Variants in MYO9B observed in about 807,000 individuals in gnomAD.
MYO9B encodes unconventional myosin-IXb.
In MYO9B, 71 loss-of-function variants were observed where a neutral mutation model predicts 229.5. That is an observed-to-expected ratio of 0.31 (90% confidence interval 0.26 to 0.38). The LOEUF (loss-of-function observed/expected upper bound fraction) is 0.38. Among genes scored for constraint, MYO9B ranks in the 10% least tolerant of loss-of-function variants. The pLI, the probability that MYO9B is intolerant of heterozygous loss-of-function variation, is 1.00. For synonymous variants in MYO9B, 1,185 were observed against 1,235.8 expected (o/e 0.96, Z 0.86); for missense variants, 2,255 against 2,920.5 (o/e 0.77, Z 5.25).
intron 14 of MYO9B, among the ~76,000 whole-genome samples, chr19:17,179,126 A>G (rs1034129134): frequency 1.3e-5 from 2 of 151,478 alleles, no homozygotes; most frequent in African/African-American, 4.9e-5. Flanking sequence ...TAGGGTGTTG[A>G]GCAGCATCCC....
At chr19:17,167,473 A>AT (rs36062777) in intron 10 of MYO9B, among the ~76,000 whole-genome samples, 2,558 of 117,364 alleles carry the variant, frequency 0.022, 94 homozygotes, top group African/African-American at 0.064. Context: ...TATTAGAGCT[A>AT]TTTTTTTTTT....
chr19:17,205,372 A>G, intron 31 of MYO9B, 36 bp downstream of exon 31: 1 of 1,588,312 alleles, frequency 6.3e-7, no homozygotes, highest in Non-Finnish European at 8.6e-7. Flanking sequence ...CTACAATGAC[A>G]CTCCACTCAC....
At chr19:17,141,105 G>GAA (rs34230599) in intron 2 of MYO9B, among the ~76,000 whole-genome samples, 149 of 138,078 alleles carry the variant, frequency 1.1e-3, no homozygotes, top group East Asian at 5.2e-3. Flanking sequence ...CCCTGTCTCA[G>GAA]AAAAAAAAAA....
In MYO9B at chr19:17,172,581, C is replaced by G. The variant is rs1382655324; in HGVS notation, c.1935+104C>G. The G allele has an allele frequency of 3.3e-6, 5 of 1,511,154 alleles. No individual in the cohort carries two copies. Among genetic ancestry groups the G allele is most frequent in the East Asian group, 2.4e-5 (1 of 41,966 alleles). 93.6% of individuals were successfully genotyped at this position (1,511,154 alleles called of 1,614,324 possible). A position where few individuals can be genotyped will look rare whatever the true frequency, so the allele number is the denominator to read the frequency against. ...CCTGTGGGCGAGGTTCCAGGGTGCTCAGAACCCACCGCGAATCCCCGGCTC... is the reference window on the plus strand; with the variant it reads ...CCTGTGGGCGAGGTTCCAGGGTGCTGAGAACCCACCGCGAATCCCCGGCTC... On this transcript the variant is annotated intron_variant, in intron 12 of 39. Coordinates refer to ENST00000682292, the MANE Select transcript of MYO9B (RefSeq NM_004145.4). This position sits in a 1 kb window ranked among gnomAD's most constrained non-coding sequence, Gnocchi z 8.2.
rs531236160 is a variant in MYO9B, at chr19:17,212,389, T to G, written c.*79T>G. 1 of 1,382,618 alleles carries G rather than the reference T, an allele frequency of 7.2e-7. No individual in the cohort carries two copies. The highest frequency in any genetic ancestry group is 1.6e-5 in the South Asian group (1 of 63,936). The allele number at this position is 1,382,618 out of a possible 1,614,324, so 85.6% of individuals were successfully genotyped here. On this transcript the variant is annotated 3_prime_UTR_variant, in exon 40 of 40. Transcript: ENST00000682292. The surrounding 1 kb of genome is among the most constrained non-coding windows in gnomAD (Gnocchi z 5.4). Reference sequence around the variant, plus strand: ...GGGCGCCAGAGCTGCAGAGCTAGTGTTCGGCCCTCAGAGAAGGATCCAGAA... The same window carrying G: ...GGGCGCCAGAGCTGCAGAGCTAGTGGTCGGCCCTCAGAGAAGGATCCAGAA...
At chr19:17,081,908 G>A (rs907605886) in intron 1 of MYO9B, among the ~76,000 whole-genome samples, 2 of 151,982 alleles carry the variant, frequency 1.3e-5, no homozygotes, top group African/African-American at 4.8e-5. Flanking sequence ...GGTCCACAAG[G>A]CTGCGTGTGC....
At chr19:17,162,607 G>A (rs1385209420) in intron 9 of MYO9B, 141 bp downstream of exon 9, 11 of 749,392 alleles carry the variant, frequency 1.5e-5, no homozygotes, top group Non-Finnish European at 2.2e-5. Flanking sequence ...GACAGGCCCA[G>A]GAAACAGGAC....
At chr19:17,151,301 A>T (rs1305257306) in intron 3 of MYO9B, among the ~76,000 whole-genome samples, 1 of 151,962 alleles carries the variant, frequency 6.6e-6, no homozygotes, top group African/African-American at 2.4e-5. Flanking sequence ...AAAGAAAGAA[A>T]ATGATAAATA....
chr19:17,194,844 G>C lies in MYO9B; in HGVS notation c.3417G>C (p.Glu1139Asp). ...PQKTVAAESH[E>D]KVPSSREKRE... ...AAACCGTGGCGGCTGAAAGTCACGA[G>C]AAAGTCCCCAGCAGCCGGGAGAAGC... Residue 1139 changes from glutamate (E) to aspartate (D), a missense_variant, in exon 22 of 40, where the codon GAG becomes GAC. By Grantham distance (45) the Glu-to-Asp change is conservative. This residue lies in a region of MYO9B where 679 missense variants were observed against 770.2 expected (regional missense o/e 0.88). Transcript: ENST00000682292. 1 of 1,613,346 alleles carries C rather than the reference G, an allele frequency of 6.2e-7. No individual in the cohort carries two copies. The highest frequency in any genetic ancestry group is 8.5e-7 in the Non-Finnish European group (1 of 1,179,890).
Position 17,162,997 on chromosome 19 carries a change from A to G in MYO9B, c.1546A>G (p.Ile516Val). ...TCTCTGTCTCTCCCAGTGCCTGTCC[A>G]TTGGGGTCCTGGACATCTTCGGGTT... ...DVEEAVSCLS[I>V]GVLDIFGFED... is the part of the protein sequence containing the mutation. Residue 516 changes from isoleucine to valine, a missense_variant, in exon 10 of 40, where the codon ATT becomes GTT. By Grantham distance (29) the Ile-to-Val change is conservative (BLOSUM62 3). Transcript: ENST00000682292. The G allele has an allele frequency of 6.2e-7, 1 of 1,610,190 alleles. No homozygotes were observed. Among genetic ancestry groups the G allele is most frequent in the Non-Finnish European group, 8.5e-7 (1 of 1,178,346 alleles).
At chr19:17,185,659 G>A (rs1242867300) in intron 17 of MYO9B, among the ~76,000 whole-genome samples, 1 of 152,108 alleles carries the variant, frequency 6.6e-6, no homozygotes, top group African/African-American at 2.4e-5. Context: ...CCCAGCCCCA[G>A]CCTTCCACCT....
chr19:17,133,407 A>AC (rs543841884), intron 2 of MYO9B, among the ~76,000 whole-genome samples: 2 of 152,152 alleles, frequency 1.3e-5, no homozygotes, highest in South Asian at 4.1e-4. Context: ...ATATCCTTTG[A>AC]CCAGCATCTC....
chr19:17,089,105 G>A (rs999563104), intron 1 of MYO9B, among the ~76,000 whole-genome samples: 1 of 152,118 alleles, frequency 6.6e-6, no homozygotes, highest in African/African-American at 2.4e-5. Flanking sequence ...CGACTGGCAC[G>A]TGAGCGTGGC....
intron 2 of MYO9B, among the ~76,000 whole-genome samples, chr19:17,109,037 T>TTTAG (rs1384401774): frequency 9.6e-5 from 2 of 20,896 alleles, no homozygotes; most frequent in Non-Finnish European, 2.8e-4. Flanking sequence ...TTTAATTTTA[T>TTTAG]TTATTTATTT....
chr19:17,154,132 A>T, intron 5 of MYO9B, 66 bp downstream of exon 5: 1 of 1,508,860 alleles, frequency 6.6e-7, no homozygotes, highest in Non-Finnish European at 9.2e-7. Flanking sequence ...GTTTATGTAT[A>T]GCCGGGAAGT....
chr19:17,130,843 TTC>T (rs2072187811), intron 2 of MYO9B, among the ~76,000 whole-genome samples: 1 of 152,102 alleles, frequency 6.6e-6, no homozygotes, highest in African/African-American at 2.4e-5. Context: ...TTTTCACAGA[TTC>T]TCTGTTTGAC....
intron 2 of MYO9B, among the ~76,000 whole-genome samples, chr19:17,113,806 G>A (rs927259209): frequency 1.3e-5 from 2 of 152,114 alleles, no homozygotes; most frequent in Non-Finnish European, 2.9e-5. Flanking sequence ...GCTGGGGCCC[G>A]AATGCAGGGC....
rs145043010 is a variant in MYO9B, at chr19:17,204,899, C to A, written c.4991-364C>A. On this transcript the variant is annotated intron_variant, in intron 30 of 39. Coordinates refer to ENST00000682292, the MANE Select transcript of MYO9B (RefSeq NM_004145.4). ...AGGTGCAGTGGCTTACGCCTCTAAT[C>A]CCAACACTTTGGGAGGCCGAGGTGG... 3.3e-5 allele frequency among the ~76,000 whole-genome samples: 5 copies of A among 152,208 alleles called. No individual in the cohort carries two copies. The South Asian group carries it at 1.0e-3, about 32-fold the overall frequency.
intron 22 of MYO9B, among the ~76,000 whole-genome samples, chr19:17,197,382 A>AGGAT (rs972965986): frequency 6.8e-6 from 1 of 147,136 alleles, no homozygotes; most frequent in Non-Finnish European, 1.5e-5. Flanking sequence ...AATGAGTAGA[A>AGGAT]GGATGGATGG....
Sources: allele counts gnomAD v4.1 joint callset (sites outside exome capture counted in the v4.1 genomes callset), GRCh38; gene constraint gnomAD v4.1.1; regional missense constraint gnomAD v4.1.1; non-coding constraint Gnocchi (gnomAD v3.1); transcripts MANE v1.5; gene names NCBI Gene and HGNC (gene_info 2026-07-23, HGNC 2026-07-21).